Variants in TMEFF2 observed in about 807,000 individuals in gnomAD.
TMEFF2 encodes transmembrane protein with EGF like and two follistatin like domains 2.
Under a neutral mutation model 53.8 loss-of-function variants are expected in TMEFF2, and 28 were observed. The ratio of observed to expected loss-of-function variants is 0.52; its 90% CI spans 0.39 to 0.71. TMEFF2 has a LOEUF of 0.71. Ranked by LOEUF, TMEFF2 falls within the 30% of genes least tolerant of loss-of-function variation. The pLI is 0.00. For missense variants in TMEFF2, 353 were observed against 455.2 expected, an observed-to-expected ratio of 0.78 and a Z score of 2.04; for synonymous variants, 162 against 166.3, an observed-to-expected ratio of 0.97 and a Z score of 0.20.
chr2:191,972,902 A>G (rs1692690321), intron 7 of TMEFF2, among the ~76,000 whole-genome samples: 1 of 152,184 alleles, frequency 6.6e-6, no homozygotes, highest in African/African-American at 2.4e-5. Flanking sequence ...AGTAGAATTG[A>G]TGTTAACTGG....
chr2:192,082,727 T>C (rs947452636), intron 4 of TMEFF2, among the ~76,000 whole-genome samples: 3 of 152,212 alleles, frequency 2.0e-5, no homozygotes, highest in Admixed American at 2.0e-4. Context: ...ATTCGGAACC[T>C]CTTTTCTCCA....
chr2:191,976,938 GCCTGTC>G (rs1291887770), intron 7 of TMEFF2, among the ~76,000 whole-genome samples: 2 of 152,094 alleles, frequency 1.3e-5, no homozygotes, highest in African/African-American at 4.8e-5. Flanking sequence ...TAACCTTTAT[GCCTGTC>G]TGGCACACAG....
At chr2:192,043,644 T>C (rs2105888293) in intron 5 of TMEFF2, 1 of 152,318 alleles carries the variant, frequency 6.6e-6, no homozygotes, top group African/African-American at 2.4e-5. Flanking sequence ...CTACACTGTG[T>C]TTCTTTCCTC....
At chr2:192,125,863 G>T (rs193080690) in intron 4 of TMEFF2, among the ~76,000 whole-genome samples, 315 of 152,236 alleles carry the variant, frequency 2.1e-3, no homozygotes, top group Admixed American at 3.7e-3. Context: ...AGACACACTG[G>T]GGCCTGTCAG....
intron 7 of TMEFF2, among the ~76,000 whole-genome samples, chr2:191,974,845 T>A (rs1485966096): frequency 1.3e-5 from 2 of 152,118 alleles, no homozygotes; most frequent in Non-Finnish European, 2.9e-5. Flanking sequence ...CAGTGGTTAA[T>A]GGTGCAGAGA....
chr2:192,081,778 C>T (rs1298912790), intron 4 of TMEFF2, among the ~76,000 whole-genome samples: 1 of 150,218 alleles, frequency 6.7e-6, no homozygotes, highest in East Asian at 1.9e-4. Flanking sequence ...TGATGAGGTA[C>T]CATAATTATT....
At chr2:192,131,404 G>A (rs1337764842) in intron 4 of TMEFF2, among the ~76,000 whole-genome samples, 1 of 150,866 alleles carries the variant, frequency 6.6e-6, no homozygotes, top group African/African-American at 2.4e-5. Context: ...TTAGCGGCAA[G>A]TCCCGCTTTT....
intron 5 of TMEFF2, among the ~76,000 whole-genome samples, chr2:192,024,305 A>C (rs979103207): frequency 6.6e-6 from 1 of 152,166 alleles, no homozygotes; most frequent in Non-Finnish European, 1.5e-5. Context: ...TATTGTAAAA[A>C]ATTCAGGAGT....
chr2:192,150,616 T>C (rs953940848), intron 4 of TMEFF2, among the ~76,000 whole-genome samples: 3 of 151,642 alleles, frequency 2.0e-5, no homozygotes, highest in African/African-American at 7.2e-5. Flanking sequence ...GGGTTACTTT[T>C]CCTAAAGTGT....
Position 192,019,559 on chromosome 2 carries a change from ATT to A in TMEFF2, c.537-20353_537-20352del, listed in dbSNP as rs561574634. ...TGTTAATGTAAAAATAGCTTTGAAA[ATT>A]TGTTTTTAGAATTGCTTCCTTCCTC... On this transcript the variant is annotated intron_variant, in intron 5 of 9. Transcript: ENST00000272771. 1.4e-4 allele frequency among the ~76,000 whole-genome samples: 22 copies of A among 152,190 alleles called. No homozygotes were observed. In the East Asian group the frequency reaches 2.7e-3, roughly 19 times the overall value.
At chr2:192,153,104 AAATT>A (rs1284035128) in intron 4 of TMEFF2, among the ~76,000 whole-genome samples, 1 of 151,462 alleles carries the variant, frequency 6.6e-6, no homozygotes, top group East Asian at 1.9e-4. Flanking sequence ...ATTTACTATT[AAATT>A]AAGAATTATT....
intron 3 of TMEFF2, among the ~76,000 whole-genome samples, chr2:192,182,832 C>T (rs1030950506): frequency 2.6e-5 from 4 of 151,840 alleles, no homozygotes; most frequent in African/African-American, 9.7e-5. Context: ...TTCAATTTGT[C>T]CTAAAGTACT....
chr2:192,176,246 G>A (rs1022309124), intron 4 of TMEFF2, among the ~76,000 whole-genome samples: 4 of 151,278 alleles, frequency 2.6e-5, no homozygotes, highest in African/African-American at 9.7e-5. Flanking sequence ...CACAGTTGTA[G>A]TTTATCTTGA....
intron 7 of TMEFF2, among the ~76,000 whole-genome samples, chr2:191,970,855 T>C (rs189089828): frequency 9.8e-5 from 15 of 152,324 alleles, no homozygotes; most frequent in Admixed American, 5.9e-4. Flanking sequence ...TTATGTCTAT[T>C]TTCCCAGCAT....
At chr2:192,167,066 A>AAT (rs1690786843) in intron 4 of TMEFF2, among the ~76,000 whole-genome samples, 1 of 152,122 alleles carries the variant, frequency 6.6e-6, no homozygotes, top group South Asian at 2.1e-4. Context: ...CTCTTTTCAG[A>AAT]ATAGCATCTT....
chr2:192,024,764 A>C (rs1686931586), intron 5 of TMEFF2, among the ~76,000 whole-genome samples: 1 of 152,228 alleles, frequency 6.6e-6, no homozygotes, highest in African/African-American at 2.4e-5. Flanking sequence ...TTTTGCAAAA[A>C]CATTTTAAAT....
At chr2:192,117,656 T>A (rs1689445505) in intron 4 of TMEFF2, among the ~76,000 whole-genome samples, 1 of 152,078 alleles carries the variant, frequency 6.6e-6, no homozygotes, top group East Asian at 1.9e-4. Context: ...TGACTCTTTT[T>A]CCACCTCCCC....
chr2:192,068,472 A>G (rs1688215360), intron 4 of TMEFF2, among the ~76,000 whole-genome samples: 1 of 151,886 alleles, frequency 6.6e-6, no homozygotes, highest in African/African-American at 2.4e-5. Context: ...TTGGTTTCTT[A>G]TATTGAGGAG....
At chr2:192,093,930 G>A (rs914063370) in intron 4 of TMEFF2, among the ~76,000 whole-genome samples, 35 of 152,158 alleles carry the variant, frequency 2.3e-4, no homozygotes, top group African/African-American at 8.2e-4. Flanking sequence ...TTTCATCTAA[G>A]TTGAGGCTGG....
Sources: allele counts gnomAD v4.1 joint callset (sites outside exome capture counted in the v4.1 genomes callset), GRCh38; gene constraint gnomAD v4.1.1; transcripts MANE v1.5; gene names NCBI Gene and HGNC (gene_info 2026-07-23, HGNC 2026-07-21).